OR2L13: variants seen among roughly 807,000 people sequenced by gnomAD.
OR2L13 encodes the protein olfactory receptor 2L13.
OR2L13 carries 14 observed loss-of-function variants against 15.3 expected under a neutral mutation model. The observed-to-expected ratio is 0.91, with a 90% CI of 0.60 to 1.43. The LOEUF is 1.43. OR2L13 is among the 40% of genes most tolerant of loss of function. OR2L13 has a pLI of 0.00. For missense variants in OR2L13, 367 were observed against 387.9 expected, an observed-to-expected ratio of 0.95 and a Z score of 0.45; for synonymous variants, 152 against 142.9, an observed-to-expected ratio of 1.06 and a Z score of -0.45.
At chr1:248,053,442 T>G in the OR2L13 span, among the ~76,000 whole-genome samples, 1 of 152,208 alleles carries the variant, frequency 6.6e-6, no homozygotes, top group Non-Finnish European at 1.5e-5. Flanking sequence ...TATAATAGAA[T>G]AATTTATATT....
chr1:247,942,367 C>T, the OR2L13 span, among the ~76,000 whole-genome samples: 1 of 152,078 alleles, frequency 6.6e-6, no homozygotes, highest in Admixed American at 6.6e-5. Context: ...AAGTTTTCTA[C>T]ATAAAATGTT....
At chr1:248,093,264 A>G (rs1012271407), upstream of OR2L13, among the ~76,000 whole-genome samples, 3 of 152,224 alleles carry the variant, frequency 2.0e-5, no homozygotes, top group Non-Finnish European at 4.4e-5. Context: ...GAACAAGAAC[A>G]TACTGTGACG....
At chr1:247,968,025 A>G in the OR2L13 span, among the ~76,000 whole-genome samples, 1 of 151,924 alleles carries the variant, frequency 6.6e-6, no homozygotes, top group Admixed American at 6.6e-5. Flanking sequence ...TGTGTATCAT[A>G]TCAGAAATCA....
chr1:248,100,075 A>T lies in OR2L13; in HGVS notation c.700A>T (p.Lys234Ter). 3 of 1,614,148 alleles carry T rather than the reference A, an allele frequency of 1.9e-6. No homozygotes were observed. Among genetic ancestry groups the T allele is most frequent in the Non-Finnish European group, 2.5e-6 (3 of 1,179,990 alleles). Residue 234 changes from lysine (K) to a stop codon, truncating the protein, a stop_gained, in exon 3 of 3, where the codon AAA (lysine) becomes TAA (stop). Coordinates refer to ENST00000641714, the Ensembl canonical transcript of OR2L13. LOFTEE classifies it high-confidence loss of function. ...TCATATGCACTCAAAGGAGGGGAGA[A>T]AAAAGGCCTTCACCACCATTTCAAC...
At chr1:248,095,662 AG>A (rs1175422747), upstream of OR2L13, among the ~76,000 whole-genome samples, 4 of 101,330 alleles carry the variant, frequency 3.9e-5, no homozygotes, top group African/African-American at 1.4e-4. Flanking sequence ...GCTGGAGTGC[AG>A]GGTCACGATC....
At chr1:248,065,876 T>C in the OR2L13 span, among the ~76,000 whole-genome samples, 1 of 151,972 alleles carries the variant, frequency 6.6e-6, no homozygotes, top group Non-Finnish European at 1.5e-5. Flanking sequence ...GAGAAAAAGG[T>C]TATCTCACCT....
chr1:248,030,673 T>A, the OR2L13 span, among the ~76,000 whole-genome samples: 5 of 152,190 alleles, frequency 3.3e-5, no homozygotes, highest in African/African-American at 1.2e-4. Flanking sequence ...ATCTTAATGC[T>A]GCTTCTTACT....
At chr1:248,022,549 G>A in the OR2L13 span, 1 of 1,614,158 alleles carries the variant, frequency 6.2e-7, no homozygotes, top group Non-Finnish European at 8.5e-7. Flanking sequence ...GTGTTTTTGA[G>A]CAGCACCATC....
chr1:248,039,287 A>G, the OR2L13 span: 31 of 1,302,784 alleles, frequency 2.4e-5, 1 homozygote, highest in Middle Eastern at 7.7e-4. Context: ...ACATTATTAC[A>G]TGCCCAGTGT....
the OR2L13 span, among the ~76,000 whole-genome samples, chr1:248,031,964 C>T: frequency 4.6e-5 from 7 of 151,964 alleles, no homozygotes; most frequent in African/African-American, 1.2e-4. Context: ...AGTTTGTCAT[C>T]GACTGCCCTA....
the OR2L13 span, chr1:248,083,563 C>G: frequency 9.5e-7 from 1 of 1,047,904 alleles, no homozygotes; most frequent in South Asian, 1.5e-5. Context: ...TCATGAACTA[C>G]TAAAGGGAGA....
At chr1:248,031,145 C>A in the OR2L13 span, among the ~76,000 whole-genome samples, 4 of 152,298 alleles carry the variant, frequency 2.6e-5, no homozygotes, top group East Asian at 7.7e-4. Flanking sequence ...GTCCTCTTCA[C>A]ATTACTGAAA....
At chr1:247,962,013 A>T in the OR2L13 span, among the ~76,000 whole-genome samples, 1 of 152,230 alleles carries the variant, frequency 6.6e-6, no homozygotes, top group East Asian at 1.9e-4. Context: ...TGCTGCTTCC[A>T]GTGTGATCAT....
chr1:248,032,706 A>G, the OR2L13 span, among the ~76,000 whole-genome samples: 1 of 152,194 alleles, frequency 6.6e-6, no homozygotes, highest in Admixed American at 6.5e-5. Flanking sequence ...AAAACTGAAT[A>G]ATATTCCATT....
chr1:247,945,608 C>T, the OR2L13 span, among the ~76,000 whole-genome samples: 3 of 152,002 alleles, frequency 2.0e-5, no homozygotes, highest in African/African-American at 4.8e-5. Flanking sequence ...TAAAGTCTCC[C>T]GCTATTATTG....
At chr1:248,063,405 A>G in the OR2L13 span, 1 of 152,370 alleles carries the variant, frequency 6.6e-6, no homozygotes, top group South Asian at 2.1e-4. Context: ...TAGCAGTTAA[A>G]ACATAAATTT....
At chr1:247,990,586 G>A in the OR2L13 span, 1 of 1,559,058 alleles carries the variant, frequency 6.4e-7, no homozygotes, top group South Asian at 1.1e-5. Context: ...CCTGACTTTA[G>A]CAGGTGCAGA....
chr1:247,970,518 G>A, the OR2L13 span, among the ~76,000 whole-genome samples: 1 of 152,028 alleles, frequency 6.6e-6, no homozygotes, highest in Non-Finnish European at 1.5e-5. Context: ...TTTCTTTTGG[G>A]TTACTTCTTA....
chr1:248,089,571 C>G, the OR2L13 span, among the ~76,000 whole-genome samples: 2 of 152,228 alleles, frequency 1.3e-5, no homozygotes, highest in South Asian at 4.1e-4. Flanking sequence ...AATAAATGAG[C>G]AACTTCATAA....
Sources: gnomAD v4.1 joint callset for allele counts (sites outside exome capture counted in the v4.1 genomes callset) on GRCh38, gnomAD v4.1.1 for gene constraint, MANE v1.5 for transcripts, NCBI Gene and HGNC (gene_info 2026-07-23, HGNC 2026-07-21) for gene names.